The following MAF variants were observed in gnomAD, a reference collection of about 807,000 sequenced individuals.
MAF encodes the protein transcription factor Maf.
Under a neutral mutation model 22.0 loss-of-function variants are expected in MAF, and 10 were observed. The observed-to-expected ratio is 0.45, with a 90% CI of 0.28 to 0.77. MAF has a LOEUF of 0.77. Ranked by LOEUF, MAF falls within the 30% of genes least tolerant of loss-of-function variation. MAF has a pLI of 0.12. For missense variants in MAF, 544 were observed against 548.4 expected (o/e 0.99, Z 0.08); for synonymous variants, 337 against 255.8 (o/e 1.32, Z -3.03).
the MAF span, among the ~76,000 whole-genome samples, chr16:79,316,042 T>C: frequency 1.3e-5 from 2 of 152,228 alleles, no homozygotes; most frequent in African/African-American, 2.4e-5. Flanking sequence ...CTGAGAATTG[T>C]TGTCATTTTC....
the MAF span, among the ~76,000 whole-genome samples, chr16:79,448,649 G>C: frequency 8.6e-5 from 13 of 151,796 alleles, no homozygotes; most frequent in East Asian, 1.9e-4. Flanking sequence ...CTGGTCTCAA[G>C]CTCCAGACCT....
chr16:79,292,019 G>T, the MAF span, among the ~76,000 whole-genome samples: 48 of 151,848 alleles, frequency 3.2e-4, no homozygotes, highest in African/African-American at 1.2e-3. Flanking sequence ...CTGAAGCTTA[G>T]AATAGGAAAG....
chr16:79,517,718 G>A, the MAF span, among the ~76,000 whole-genome samples: 1 of 151,982 alleles, frequency 6.6e-6, no homozygotes, highest in South Asian at 2.1e-4. Flanking sequence ...GGGATTACAG[G>A]CACCCGCCAT....
the MAF span, among the ~76,000 whole-genome samples, chr16:79,411,907 A>G: frequency 6.7e-6 from 1 of 149,830 alleles, no homozygotes; most frequent in East Asian, 1.9e-4. Context: ...CATATGTAGT[A>G]GGGTCACCAG....
chr16:79,370,133 G>A, the MAF span, among the ~76,000 whole-genome samples: 1 of 152,198 alleles, frequency 6.6e-6, no homozygotes, highest in African/African-American at 2.4e-5. Flanking sequence ...TCCCCAGGAG[G>A]CTAATTGGCT....
At chr16:79,557,597 C>T in the MAF span, among the ~76,000 whole-genome samples, 1 of 152,046 alleles carries the variant, frequency 6.6e-6, no homozygotes, top group African/African-American at 2.4e-5. Context: ...TCCTCCTCTG[C>T]TCAATAGAGA....
At chr16:79,211,078 C>T in the MAF span, among the ~76,000 whole-genome samples, 6 of 131,680 alleles carry the variant, frequency 4.6e-5, no homozygotes, top group Non-Finnish European at 1.0e-4. Flanking sequence ...TTTAACACAA[C>T]ATTGCCAACC....
the MAF span, among the ~76,000 whole-genome samples, chr16:79,243,929 C>T: frequency 2.0e-5 from 3 of 151,996 alleles, no homozygotes; most frequent in Non-Finnish European, 4.4e-5. Flanking sequence ...AATCAATAAA[C>T]ATAATCCGTT....
At chr16:79,261,909 G>C in the MAF span, among the ~76,000 whole-genome samples, 2 of 152,182 alleles carry the variant, frequency 1.3e-5, no homozygotes, top group Non-Finnish European at 2.9e-5. Flanking sequence ...CCTCCTGACA[G>C]TGGAGAGGGC....
At chr16:79,473,995 G>GGGATGAGCATTCTT in the MAF span, among the ~76,000 whole-genome samples, 1 of 152,024 alleles carries the variant, frequency 6.6e-6, no homozygotes. Context: ...TTATTTAGTA[G>GGGATGAGCATTCTT]GGATGAGCAT....
At chr16:79,522,424 G>A in the MAF span, among the ~76,000 whole-genome samples, 2 of 152,216 alleles carry the variant, frequency 1.3e-5, no homozygotes, top group Non-Finnish European at 2.9e-5. Context: ...AAGGAGTTGT[G>A]TTTGCAGAGT....
At chr16:79,561,933 C>T in the MAF span, among the ~76,000 whole-genome samples, 1,670 of 152,222 alleles carry the variant, frequency 0.011, 30 homozygotes, top group African/African-American at 0.038. Flanking sequence ...TGGGTACAAG[C>T]GAGCCAAGAG....
chr16:79,415,469 A>G, the MAF span, among the ~76,000 whole-genome samples: 2 of 152,140 alleles, frequency 1.3e-5, no homozygotes, highest in Non-Finnish European at 2.9e-5. Flanking sequence ...AAATCTCTCT[A>G]CTATCCAGGA....
chr16:79,553,443 C>T, the MAF span, among the ~76,000 whole-genome samples: 3 of 152,232 alleles, frequency 2.0e-5, no homozygotes, highest in African/African-American at 7.2e-5. Context: ...GTTACAGATG[C>T]CTGCTTTTGG....
chr16:79,235,583 G>T, the MAF span, among the ~76,000 whole-genome samples: 2 of 151,780 alleles, frequency 1.3e-5, no homozygotes, highest in Non-Finnish European at 2.9e-5. Context: ...AGCCGCAGAA[G>T]CAGCCATTCT....
chr16:79,568,890 C>G, the MAF span, among the ~76,000 whole-genome samples: 1 of 152,202 alleles, frequency 6.6e-6, no homozygotes, highest in Non-Finnish European at 1.5e-5. Flanking sequence ...TTAATCCTTA[C>G]AAGCATTCTT....
At chr16:79,330,490 A>G in the MAF span, among the ~76,000 whole-genome samples, 1 of 152,200 alleles carries the variant, frequency 6.6e-6, no homozygotes, top group African/African-American at 2.4e-5. Flanking sequence ...TGCTCTGGCC[A>G]TGATCATGGC....
chr16:79,208,243 C>A, the MAF span, among the ~76,000 whole-genome samples: 1 of 152,198 alleles, frequency 6.6e-6, no homozygotes, highest in Non-Finnish European at 1.5e-5. Context: ...AAAGATTCTT[C>A]TGGGCTTCCC....
At chr16:79,241,351 A>C in the MAF span, among the ~76,000 whole-genome samples, 6 of 152,142 alleles carry the variant, frequency 3.9e-5, no homozygotes. Context: ...AACATAAATG[A>C]CATGATTGAG....
Sources: allele counts gnomAD v4.1 joint callset (sites outside exome capture counted in the v4.1 genomes callset), GRCh38; gene constraint gnomAD v4.1.1; transcripts MANE v1.5; gene names NCBI Gene and HGNC (gene_info 2026-07-23, HGNC 2026-07-21).